The following PPP1R42 variants were observed in gnomAD, a reference collection of about 807,000 sequenced individuals.
The protein encoded by PPP1R42 is leucine rich repeat containing 67.
A neutral mutation model predicts 31.0 loss-of-function variants in PPP1R42; 34 were observed. That is an observed-to-expected ratio of 1.10 (90% CI 0.83 to 1.46). The LOEUF (loss-of-function observed/expected upper bound fraction) is 1.46. Among genes scored for constraint, PPP1R42 ranks in the 40% most tolerant of loss-of-function variants. The probability of loss-of-function intolerance (pLI) is 0.00; values close to 1 mark genes in which losing one functional copy is unlikely to be tolerated. For missense variants in PPP1R42, 268 were observed against 303.0 expected, an observed-to-expected ratio of 0.88 and a Z score of 0.86; for synonymous variants, 103 against 109.8, an observed-to-expected ratio of 0.94 and a Z score of 0.39.
At chr8:67,006,961 T>G (rs186579688) in intron 5 of PPP1R42, among the ~76,000 whole-genome samples, 1 of 150,594 alleles carries the variant, frequency 6.6e-6, no homozygotes, top group Non-Finnish European at 1.5e-5. Flanking sequence ...GCCAGGATGG[T>G]CTCGATCTCC....
intron 7 of PPP1R42, among the ~76,000 whole-genome samples, chr8:66,978,866 G>A (rs1289892034): frequency 6.6e-6 from 1 of 152,098 alleles, no homozygotes; most frequent in Non-Finnish European, 1.5e-5. Context: ...GTCTTCTTTT[G>A]AGAAATGTCT....
chr8:66,985,842 GC>G, intron 6 of PPP1R42: 2 of 1,209,286 alleles, frequency 1.7e-6, no homozygotes, highest in Non-Finnish European at 2.4e-6. Context: ...TCTGATGGAG[GC>G]CCAGGGATCA....
intron 7 of PPP1R42, among the ~76,000 whole-genome samples, 195 bp downstream of exon 7, chr8:66,981,854 A>ACATT (rs1192526577): frequency 2.0e-5 from 3 of 152,208 alleles, no homozygotes. Flanking sequence ...ATTTACATAA[A>ACATT]CATTATAGGT....
intron 6 of PPP1R42, among the ~76,000 whole-genome samples, chr8:66,983,269 T>C (rs922956841): frequency 4.6e-5 from 7 of 152,138 alleles, no homozygotes; most frequent in Admixed American, 3.3e-4. Flanking sequence ...ATTAATATTG[T>C]GTTGTGAACA....
intron 5 of PPP1R42, among the ~76,000 whole-genome samples, chr8:67,009,295 C>T (rs988491683): frequency 2.6e-5 from 4 of 151,476 alleles, no homozygotes; most frequent in African/African-American, 7.3e-5. Flanking sequence ...GGGCCGGGTC[C>T]GGTGGCTCAC....
chr8:66,976,113 A>G (rs1814664268), intron 7 of PPP1R42, among the ~76,000 whole-genome samples: 1 of 152,072 alleles, frequency 6.6e-6, no homozygotes, highest in Non-Finnish European at 1.5e-5. Flanking sequence ...ACAGCATTGG[A>G]TTCTCATAGG....
At chr8:67,011,086 A>G (rs958874351) in intron 4 of PPP1R42, among the ~76,000 whole-genome samples, 1 of 152,078 alleles carries the variant, frequency 6.6e-6, no homozygotes, top group Non-Finnish European at 1.5e-5. Flanking sequence ...CTTTTCCAAG[A>G]TACAAAATAA....
intron 7 of PPP1R42, among the ~76,000 whole-genome samples, chr8:66,965,949 A>T (rs1434343518): frequency 6.6e-6 from 1 of 152,064 alleles, no homozygotes; most frequent in African/African-American, 2.4e-5. Context: ...TAATAAAAGA[A>T]TATGTCAAAC....
intron 5 of PPP1R42, among the ~76,000 whole-genome samples, chr8:67,004,233 C>T (rs937026594): frequency 3.9e-5 from 6 of 152,214 alleles, no homozygotes; most frequent in African/African-American, 1.2e-4. Context: ...CTCTGAATGC[C>T]GCAAGGCTCT....
chr8:67,003,861 C>A (rs1397509523), intron 5 of PPP1R42, among the ~76,000 whole-genome samples: 2 of 152,124 alleles, frequency 1.3e-5, no homozygotes, highest in South Asian at 2.1e-4. Context: ...GAAGCCAAGG[C>A]GGGTGGATCA....
At chr8:66,966,646 G>C (rs184821786) in intron 7 of PPP1R42, among the ~76,000 whole-genome samples, 43 of 152,128 alleles carry the variant, frequency 2.8e-4, no homozygotes, top group African/African-American at 1.0e-3. Flanking sequence ...CTGGCCGGGC[G>C]TGGTGGCAGG....
At chr8:67,000,169 A>G (rs1815441578) in intron 5 of PPP1R42, among the ~76,000 whole-genome samples, 1 of 151,838 alleles carries the variant, frequency 6.6e-6, no homozygotes, top group Admixed American at 6.6e-5. Context: ...AATTTAATTT[A>G]CATGTATTTT....
chr8:67,010,913 G>A lies in PPP1R42; in HGVS notation c.436-82C>T, dbSNP rs544598445. The A allele has an allele frequency of 2.9e-5, 38 of 1,315,988 alleles. No individual in the cohort carries two copies. In the East Asian group the frequency reaches 7.9e-4, roughly 27 times the overall value. 81.5% of individuals were successfully genotyped at this position (1,315,988 alleles called of 1,614,324 possible). ...AACCAGAAATCCTAATCTTTGAAAA[G>A]TTTAAGCTTGATCAGTTCAGGTTGT... On this transcript the variant is annotated intron_variant, in intron 4 of 7. Transcript: ENST00000685739.
intron 7 of PPP1R42, among the ~76,000 whole-genome samples, chr8:66,980,106 C>T (rs560231241): frequency 7.2e-5 from 11 of 152,198 alleles, no homozygotes; most frequent in Non-Finnish European, 1.0e-4. Context: ...AAAATACCTT[C>T]TGACTATTTT....
intron 5 of PPP1R42, among the ~76,000 whole-genome samples, chr8:66,995,105 G>A (rs931314616): frequency 1.3e-4 from 20 of 152,118 alleles, no homozygotes; most frequent in Non-Finnish European, 2.5e-4. Context: ...TTTGCCTATA[G>A]CACAGGGTTT....
intron 7 of PPP1R42, among the ~76,000 whole-genome samples, chr8:66,968,078 A>G (rs1022152064): frequency 6.6e-6 from 1 of 152,230 alleles, no homozygotes; most frequent in South Asian, 2.1e-4. Context: ...GTTTAATACC[A>G]TATTTTAAAA....
At chr8:66,994,015 C>A (rs548281070) in intron 5 of PPP1R42, among the ~76,000 whole-genome samples, 1 of 152,162 alleles carries the variant, frequency 6.6e-6, no homozygotes, top group Non-Finnish European at 1.5e-5. Flanking sequence ...TCTTCTATTT[C>A]CTCCTCTATC....
At chr8:67,024,558 T>A (rs1816332308) in intron 1 of PPP1R42, among the ~76,000 whole-genome samples, 1 of 150,926 alleles carries the variant, frequency 6.6e-6, no homozygotes, top group African/African-American at 2.4e-5. Context: ...CACTGCAAGC[T>A]CCCCATCCCG....
At chr8:66,982,577 C>T (rs981278022) in intron 6 of PPP1R42, among the ~76,000 whole-genome samples, 1 of 152,056 alleles carries the variant, frequency 6.6e-6, no homozygotes, top group South Asian at 2.1e-4. Flanking sequence ...CCACCTCAGC[C>T]TCCCGAATAG....
Sources: allele counts gnomAD v4.1 joint callset (sites outside exome capture counted in the v4.1 genomes callset), GRCh38; gene constraint gnomAD v4.1.1; transcripts MANE v1.5; gene names NCBI Gene and HGNC (gene_info 2026-07-23, HGNC 2026-07-21).